Variants in KCNB2 observed in about 807,000 individuals in gnomAD.
KCNB2 encodes potassium voltage-gated channel subfamily B member 2, also known as delayed rectifier potassium channel protein.
In KCNB2, 15 loss-of-function variants were observed where a neutral mutation model predicts 61.5. That is an observed-to-expected ratio of 0.24 (90% CI 0.16 to 0.38). The LOEUF is 0.38. KCNB2 is among the 10% of genes least tolerant of loss of function. The pLI is 1.00. For missense variants in KCNB2, 828 were observed against 1,125.2 expected, an observed-to-expected ratio of 0.74 and a Z score of 3.78; for synonymous variants, 457 against 446.0, an observed-to-expected ratio of 1.02 and a Z score of -0.31.
In KCNB2 at chr8:72,612,012, C is replaced by T. The variant is rs1385689188; in HGVS notation, c.579+43699C>T. 3.3e-5 allele frequency among the ~76,000 whole-genome samples: 5 copies of T among 152,084 alleles called. No homozygotes were observed. The South Asian group carries it at 8.3e-4, about 25-fold the overall frequency. On this transcript the variant is annotated intron_variant, in intron 2 of 2. Coordinates refer to ENST00000523207, the MANE Select transcript of KCNB2 (RefSeq NM_004770.3). ...TAAAATAGAAAAAGTAATGCCAGCTCGCTCACTCTTGAGTTCAAGTGAAAT... is the reference window on the plus strand; with the variant it reads ...TAAAATAGAAAAAGTAATGCCAGCTTGCTCACTCTTGAGTTCAAGTGAAAT...
intron 2 of KCNB2, among the ~76,000 whole-genome samples, chr8:72,834,544 C>A (rs955115575): frequency 1.3e-5 from 2 of 152,110 alleles, no homozygotes; most frequent in Non-Finnish European, 2.9e-5. Flanking sequence ...GGAGTGGAAC[C>A]AAACCAAAAT....
At chr8:72,657,885 G>A (rs1306038263) in intron 2 of KCNB2, among the ~76,000 whole-genome samples, 5 of 151,988 alleles carry the variant, frequency 3.3e-5, no homozygotes, top group East Asian at 1.9e-4. Flanking sequence ...GACACAATTC[G>A]CACCCATATA....
rs148412290 is a variant in KCNB2, at chr8:72,798,507, G to A, written c.580-137428G>A. 2.7e-3 allele frequency among the ~76,000 whole-genome samples: 418 copies of A among 152,084 alleles called. 2 individuals are homozygous for A. The highest frequency in any genetic ancestry group is 9.7e-3 in the African/African-American group (403 of 41,480). On this transcript the variant is annotated intron_variant, in intron 2 of 2. Transcript: ENST00000523207. The stretch of plus-strand genomic sequence containing the variant: ...CTTCTACTTCTACCTTCTGCCCTTC[G>A]ACTCCTGGGAACCCCCAAATAGCTA...
rs1563404693 is a variant in KCNB2 at position 72,851,845 on chromosome 8, A to AAAAAAAAAAAAAAAAAAAAAAAC, written c.580-84087_580-84086insAAAAAAAAAAAAAAAAAAACAAA. On this transcript the variant is annotated intron_variant, in intron 2 of 2. Coordinates refer to ENST00000523207, the MANE Select transcript of KCNB2 (RefSeq NM_004770.3). The stretch of plus-strand genomic sequence containing the variant: ...CTGTAGGAAAAAAAAAAAAAAAAAA[A>AAAAAAAAAAAAAAAAAAAAAAAC]AAACACGTACTGCTGAGTTCCAGGA... Among the ~76,000 whole-genome samples the AAAAAAAAAAAAAAAAAAAAAAAC allele has an allele frequency of 1.5e-4, 22 of 148,028 alleles. 1 individual carries two copies. Among genetic ancestry groups the AAAAAAAAAAAAAAAAAAAAAAAC allele is most frequent in the African/African-American group, 5.6e-4 (22 of 39,518 alleles).
At chr8:72,643,141 A>G (rs982052079) in intron 2 of KCNB2, among the ~76,000 whole-genome samples, 1 of 151,942 alleles carries the variant, frequency 6.6e-6, no homozygotes, top group Non-Finnish European at 1.5e-5. Context: ...CCTTCCACAC[A>G]CCCTTTCCAC....
intron 2 of KCNB2, among the ~76,000 whole-genome samples, chr8:72,757,803 C>A (rs1030931661): frequency 7.2e-5 from 11 of 152,192 alleles, no homozygotes; most frequent in African/African-American, 2.7e-4. Flanking sequence ...AAAAGTGAGA[C>A]TTTCAGTAAC....
intron 2 of KCNB2, among the ~76,000 whole-genome samples, chr8:72,572,775 A>G (rs1259498414): frequency 2.6e-5 from 4 of 152,214 alleles, no homozygotes; most frequent in African/African-American, 9.6e-5. Context: ...AGGGCCACAA[A>G]TGATGGTACT....
chr8:72,628,640 A>G (rs16938266), intron 2 of KCNB2, among the ~76,000 whole-genome samples: 3,859 of 152,274 alleles, frequency 0.025, 67 homozygotes, highest in South Asian at 0.073. Flanking sequence ...TCTCAGGAGA[A>G]CTTACGCTGA....
chr8:72,890,592 A>G (rs2129005791), intron 2 of KCNB2, among the ~76,000 whole-genome samples: 2 of 152,298 alleles, frequency 1.3e-5, no homozygotes, highest in South Asian at 4.1e-4. Flanking sequence ...ACCCTGCCTT[A>G]TGGAGGAAAA....
At chr8:72,538,384 C>T (rs1315662199) in intron 1 of KCNB2, among the ~76,000 whole-genome samples, 1 of 152,166 alleles carries the variant, frequency 6.6e-6, no homozygotes, top group Non-Finnish European at 1.5e-5. Flanking sequence ...CCAACACACT[C>T]TGCTAGGGGA....
intron 2 of KCNB2, among the ~76,000 whole-genome samples, chr8:72,791,263 C>A (rs1004840014): frequency 6.6e-6 from 1 of 152,054 alleles, no homozygotes; most frequent in Non-Finnish European, 1.5e-5. Flanking sequence ...GTAAAGAATG[C>A]TTGGGGCTGG....
chr8:72,665,448 C>T (rs1448809926), intron 2 of KCNB2, among the ~76,000 whole-genome samples: 1 of 152,136 alleles, frequency 6.6e-6, no homozygotes, highest in Non-Finnish European at 1.5e-5. Context: ...TCCCTCCTAT[C>T]CCCATTTAAA....
intron 2 of KCNB2, among the ~76,000 whole-genome samples, chr8:72,783,165 T>C (rs1205741190): frequency 6.6e-6 from 1 of 152,158 alleles, no homozygotes; most frequent in African/African-American, 2.4e-5. Context: ...AAGAAAATAG[T>C]CAACCCACCA....
intron 2 of KCNB2, among the ~76,000 whole-genome samples, chr8:72,789,283 A>G (rs1160267585): frequency 6.6e-6 from 1 of 152,132 alleles, no homozygotes; most frequent in Non-Finnish European, 1.5e-5. Flanking sequence ...ATTTTATGGG[A>G]TTAGAGAGAC....
intron 2 of KCNB2, among the ~76,000 whole-genome samples, chr8:72,892,625 T>A (rs1377015734): frequency 6.6e-6 from 1 of 152,206 alleles, no homozygotes; most frequent in East Asian, 1.9e-4. Flanking sequence ...TTTACACAGC[T>A]TGCTCAAAGT....
Position 72,544,585 on chromosome 8 carries a change from C to A in KCNB2, c.-94+6700C>A, listed in dbSNP as rs529914948. ...AGGGGAGGAGGATTTGAATTCCTGA[C>A]GGCAAACACTTGCAATCTAAGGGTC... On this transcript the variant is annotated intron_variant, in intron 1 of 2. Transcript: ENST00000523207. 2.0e-5 allele frequency among the ~76,000 whole-genome samples: 3 copies of A among 152,260 alleles called. No individual in the cohort carries two copies. The South Asian group carries it at 6.2e-4, about 32-fold the overall frequency.
rs148740916 is a variant in KCNB2 at position 72,715,635 on chromosome 8, C to G, written c.579+147322C>G. Among the ~76,000 whole-genome samples the G allele has an allele frequency of 1.9e-3, 292 of 152,120 alleles. 3 individuals are homozygous for G. The highest frequency in any genetic ancestry group is 6.6e-3 in the African/African-American group (272 of 41,502). ...CAACGAGAACAAAGACACAACATAC[C>G]AGAATCTCTGGGACACAATCAAAGC... On this transcript the variant is annotated intron_variant, in intron 2 of 2. Transcript: ENST00000523207.
intron 2 of KCNB2, among the ~76,000 whole-genome samples, chr8:72,778,153 T>C (rs748654133): frequency 6.6e-6 from 1 of 152,232 alleles, no homozygotes; most frequent in Non-Finnish European, 1.5e-5. Flanking sequence ...CATCACTTGC[T>C]GTGTGATATT....
intron 2 of KCNB2, among the ~76,000 whole-genome samples, chr8:72,776,296 G>A (rs1025978393): frequency 3.3e-5 from 5 of 152,006 alleles, no homozygotes; most frequent in Non-Finnish European, 5.9e-5. Flanking sequence ...GATATACCTA[G>A]TGTAAATGAT....
Sources: gnomAD v4.1 joint callset for allele counts (sites outside exome capture counted in the v4.1 genomes callset) on GRCh38, gnomAD v4.1.1 for gene constraint, MANE v1.5 for transcripts, NCBI Gene and HGNC (gene_info 2026-07-23, HGNC 2026-07-21) for gene names.